Variants in FCMR observed in about 807,000 individuals in gnomAD.
FCMR encodes the protein immunoglobulin mu Fc receptor.
In FCMR, 34 loss-of-function variants were observed where a neutral mutation model predicts 41.6. That is an observed-to-expected ratio of 0.82 (90% CI 0.62 to 1.09). The LOEUF is 1.09. Ranked by LOEUF, FCMR falls within the 50% of genes least tolerant of loss-of-function variation. The pLI, the probability that FCMR is intolerant of heterozygous loss-of-function variation, is 0.00. For missense variants in FCMR, 496 were observed against 512.5 expected (o/e 0.97, Z 0.31); for synonymous variants, 209 against 211.8 (o/e 0.99, Z 0.12).
At chr1:206,910,080 C>T in intron 5 of FCMR, 130 bp downstream of exon 5, 1 of 1,206,218 alleles carries the variant, frequency 8.3e-7, no homozygotes, top group Non-Finnish European at 1.1e-6. Flanking sequence ...GCCCCCACTT[C>T]CCTAACTTCC....
chr1:206,921,879 A>G lies in FCMR; in HGVS notation c.-25T>C. On this transcript the variant is annotated 5_prime_UTR_variant, in exon 1 of 8. It removes an upstream start codon present in the reference 5' UTR. Coordinates refer to ENST00000367091, the MANE Select transcript of FCMR (RefSeq NM_005449.5). ...TTGTCCCTTCTAGAGTGCAAGGTCC[A>G]TCCAAGAGCCCCTAGAGAGGGGGAT... The G allele has an allele frequency of 6.2e-7, 1 of 1,613,050 alleles. No individual in the cohort carries two copies. Among genetic ancestry groups the G allele is most frequent in the Non-Finnish European group, 8.5e-7 (1 of 1,179,046 alleles).
chr1:206,911,681 G>A, intron 4 of FCMR, 49 bp downstream of exon 4: 1 of 1,554,520 alleles, frequency 6.4e-7, no homozygotes. Flanking sequence ...GGTTTCAGTG[G>A]ATCTCTTAAT....
chr1:206,908,935 A>G (rs1678796723), intron 7 of FCMR, among the ~76,000 whole-genome samples: 1 of 152,142 alleles, frequency 6.6e-6, no homozygotes, highest in Non-Finnish European at 1.5e-5. Flanking sequence ...TTAAAGATGA[A>G]TCCTCCTCAC....
Position 206,904,089 on chromosome 1 carries a change from A to G in FCMR, c.*930T>C, listed in dbSNP as rs1413376362. 3.3e-5 allele frequency: 5 copies of G among 152,346 alleles called. No homozygotes were observed. Among genetic ancestry groups the G allele is most frequent in the South Asian group, 2.1e-4 (1 of 4,828 alleles). 9.4% of individuals were successfully genotyped at this position (152,346 alleles called of 1,614,324 possible). A position where few individuals can be genotyped will look rare whatever the true frequency, so the allele number is the denominator to read the frequency against. On this transcript the variant is annotated 3_prime_UTR_variant, in exon 8 of 8. Transcript: ENST00000367091. ...GGAGGTGGGATATCACTTCCATGAC[A>G]TAAGTGCTATTGCAGAGCCGTGGCC...
At chr1:206,910,149 T>C in intron 5 of FCMR, 61 bp downstream of exon 5, 1 of 1,472,730 alleles carries the variant, frequency 6.8e-7, no homozygotes, top group Non-Finnish European at 9.0e-7. Flanking sequence ...CAAAAGGGGG[T>C]TCTGAACGCT....
Position 206,909,363 on chromosome 1 carries a change from C to T in FCMR, c.1044+99G>A, listed in dbSNP as rs535702915. 3.3e-5 allele frequency: 19 copies of T among 579,170 alleles called. 1 individual carries two copies. The South Asian group carries it at 1.3e-3, about 41-fold the overall frequency. The allele number at this position is 579,170 out of a possible 1,614,324, so 35.9% of individuals were successfully genotyped here. Reference sequence around the variant, plus strand: ...GCTGGGAAACCCGCTCTCCGGATCGCGGCGGCGGCGGCGCGGGAAGCCACA... The same window carrying T: ...GCTGGGAAACCCGCTCTCCGGATCGTGGCGGCGGCGGCGCGGGAAGCCACA... On this transcript the variant is annotated intron_variant, in intron 7 of 7. Coordinates refer to ENST00000367091, the MANE Select transcript of FCMR (RefSeq NM_005449.5). The surrounding 1 kb of genome is among the most constrained non-coding windows in gnomAD (Gnocchi z 5.0).
chr1:206,921,604 C>G (rs910066186), intron 1 of FCMR, among the ~76,000 whole-genome samples: 2 of 152,134 alleles, frequency 1.3e-5, no homozygotes, highest in African/African-American at 4.8e-5. Flanking sequence ...CTGACTGAAA[C>G]AGGAGAGTGT....
chr1:206,916,176 G>A (rs74471025), intron 1 of FCMR, among the ~76,000 whole-genome samples: 4 of 152,166 alleles, frequency 2.6e-5, no homozygotes, highest in Non-Finnish European at 5.9e-5. Flanking sequence ...TGAGTCATGA[G>A]GTAGCCTCAC....
chr1:206,909,756 G>A lies in FCMR; in HGVS notation c.954C>T (p.Cys318=). The A allele has an allele frequency of 6.8e-7, 1 of 1,464,662 alleles. No individual in the cohort carries two copies. The highest frequency in any genetic ancestry group is 3.0e-5 in the East Asian group (1 of 33,544). The allele number at this position is 1,464,662 out of a possible 1,614,324, so 90.7% of individuals were successfully genotyped here. ...CGTCCGCTCCACGAGCGCGCCGCGG[G>A]CAGGCGCTGTAGATGTTGTTTTGGG... ...PRSQNNIYSA[C]PRRARGADAA... is the part of the protein sequence containing the mutation. The change falls in exon 6 of 8, where the codon TGC becomes TGT. Residue 318 remains cysteine, a synonymous_variant. Transcript: ENST00000367091. The surrounding 1 kb of genome is among the most constrained non-coding windows in gnomAD (Gnocchi z 5.0).
At position 206,913,880 on chromosome 1, in the gene FCMR, C is replaced by T. The variant is rs761459882; in HGVS notation, c.252G>A (p.Lys84=). The T allele has an allele frequency of 6.2e-7, 1 of 1,614,252 alleles. No homozygotes were observed. Among genetic ancestry groups the T allele is most frequent in the South Asian group, 1.1e-5 (1 of 91,088 alleles). Residue 84 remains lysine (K), a synonymous_variant, in exon 2 of 8, where the codon AAG becomes AAA. Coordinates refer to ENST00000367091, the MANE Select transcript of FCMR (RefSeq NM_005449.5). ...GRVTLKQYPR[K]NLFLVEVTQL... is the part of the protein sequence containing the mutation. ...GTGTTACCTCCACTAGGAACAGATT[C>T]TTGCGTGGGTATTGCTTCAGAGTAA... is the stretch of plus-strand genomic sequence containing the variant.
rs1679012450 is a variant in FCMR at position 206,913,029 on chromosome 1, T to C, written c.387A>G (p.Ser129=). The change falls in exon 3 of 8, where the codon TCA becomes TCG. Residue 129 remains serine, a synonymous_variant. Coordinates refer to ENST00000367091, the MANE Select transcript of FCMR (RefSeq NM_005449.5). ...TLNVHSEYEP[S]WEEQPMPETP... ...TCTCAGGCATTGGCTGCTCTTCCCA[T>C]GATGGCTCGTATTCTATTGGAAGGA... 6.2e-7 allele frequency: 1 copy of C among 1,612,274 alleles called. No homozygotes were observed. The highest frequency in any genetic ancestry group is 8.5e-7 in the Non-Finnish European group (1 of 1,178,328).
intron 5 of FCMR, 109 bp downstream of exon 5, chr1:206,910,101 G>T: frequency 7.7e-7 from 1 of 1,298,834 alleles, no homozygotes; most frequent in Non-Finnish European, 1.0e-6. Flanking sequence ...CTACACCCCA[G>T]GCTGCTCATC....
At chr1:206,907,862 C>A (rs547981561) in intron 7 of FCMR, 2 of 1,360,386 alleles carry the variant, frequency 1.5e-6, no homozygotes, top group Admixed American at 1.7e-5. Flanking sequence ...CATCTTGTGG[C>A]ACAAGTACGA....
chr1:206,912,938 C>T lies in FCMR; in HGVS notation c.478G>A (p.Val160Ile), dbSNP rs774906493. ...MPAYASSSKF[V>I]TRVTTPAQRG... ...GCTATGGTGAACTGACCTCTGGTTA[C>T]GAATTTGGAAGAACTGGCATATGCA... The change falls in exon 3 of 8, where the codon GTA becomes ATA. Residue 160 changes from valine (V) to isoleucine (I), a missense_variant. Transcript: ENST00000367091. 3.7e-6 allele frequency: 6 copies of T among 1,611,034 alleles called. No individual in the cohort carries two copies. The highest frequency in any genetic ancestry group is 2.2e-5 in the East Asian group (1 of 44,860).
chr1:206,921,967 C>G (rs1679458677), upstream of FCMR: 3 of 914,284 alleles, frequency 3.3e-6, no homozygotes. Flanking sequence ...TTTCTAGCCC[C>G]CACGAGGAAC....
intron 3 of FCMR, 66 bp downstream of exon 3, chr1:206,912,863 C>G: frequency 9.2e-7 from 1 of 1,091,350 alleles, no homozygotes; most frequent in South Asian, 1.2e-5. Flanking sequence ...CATAGACCCC[C>G]TCCTCCATTT....
Position 206,913,031 on chromosome 1 carries a change from A to G in FCMR, c.385T>C (p.Ser129Pro). The change falls in exon 3 of 8, where the codon TCA (serine) becomes CCA (proline). Residue 129 changes from serine to proline, a missense_variant. Transcript: ENST00000367091. Reference sequence around the variant, plus strand: ...TCAGGCATTGGCTGCTCTTCCCATGATGGCTCGTATTCTATTGGAAGGAAG... The same window carrying G: ...TCAGGCATTGGCTGCTCTTCCCATGGTGGCTCGTATTCTATTGGAAGGAAG... ...TLNVHSEYEP[S>P]WEEQPMPETP... The G allele has an allele frequency of 6.2e-7, 1 of 1,611,832 alleles. No homozygotes were observed. Among genetic ancestry groups the G allele is most frequent in the Non-Finnish European group, 8.5e-7 (1 of 1,177,960 alleles).
chr1:206,913,179 G>T (rs1679020074), intron 2 of FCMR, 137 bp from the exon 3 acceptor site: 4 of 698,470 alleles, frequency 5.7e-6, no homozygotes, highest in Non-Finnish European at 1.0e-5. Context: ...CAGAGAAGGA[G>T]CTGGGTTGGG....
At chr1:206,908,800 G>A (rs796521937) in intron 7 of FCMR, among the ~76,000 whole-genome samples, 3 of 152,080 alleles carry the variant, frequency 2.0e-5, no homozygotes, top group African/African-American at 4.8e-5. Flanking sequence ...TTTGGACACT[G>A]TAGGCTGCTT....
Sources: gnomAD v4.1 joint callset for allele counts (sites outside exome capture counted in the v4.1 genomes callset) on GRCh38, gnomAD v4.1.1 for gene constraint, Gnocchi (gnomAD v3.1) non-coding constraint, MANE v1.5 for transcripts, NCBI Gene and HGNC (gene_info 2026-07-23, HGNC 2026-07-21) for gene names.